The following FKBP3 variants were observed in gnomAD, a reference collection of about 807,000 sequenced individuals.
FKBP3 encodes the protein FKBP prolyl isomerase 3.
In FKBP3, 21 loss-of-function variants were observed where a neutral mutation model predicts 30.6. That is an observed-to-expected ratio of 0.69 (90% CI 0.49 to 0.99). The LOEUF (loss-of-function observed/expected upper bound fraction) is 0.99, where lower values mean the gene tolerates loss of function less well. FKBP3 is among the 50% of genes least tolerant of loss of function. FKBP3 has a pLI of 0.00. For missense variants in FKBP3, 283 were observed against 261.6 expected, an observed-to-expected ratio of 1.08 and a Z score of -0.56; for synonymous variants, 82 against 91.3, an observed-to-expected ratio of 0.90 and a Z score of 0.58.
chr14:45,124,877 G>C (rs970384792), intron 3 of FKBP3, among the ~76,000 whole-genome samples: 1 of 152,170 alleles, frequency 6.6e-6, no homozygotes, highest in Non-Finnish European at 1.5e-5. Context: ...CCAATTTAGA[G>C]TTTTAAATAA....
chr14:45,133,715 T>TA (rs1885281122), intron 1 of FKBP3, among the ~76,000 whole-genome samples: 1 of 152,180 alleles, frequency 6.6e-6, no homozygotes, highest in Admixed American at 6.5e-5. Flanking sequence ...GCCTACAGTA[T>TA]AAAGCATTTC....
rs952308745 is a variant in FKBP3 at position 45,116,111 on chromosome 14, T to C, written c.*87A>G. 13 of 916,648 alleles carry C rather than the reference T, an allele frequency of 1.4e-5. No homozygotes were observed. The highest frequency in any genetic ancestry group is 1.3e-4 in the African/African-American group (8 of 60,932). The allele number at this position is 916,648 out of a possible 1,614,324, so 56.8% of individuals were successfully genotyped here. A position where few individuals can be genotyped will look rare whatever the true frequency, so the allele number is the denominator to read the frequency against. ...CCAGTTGACTCTTCCTTTACAATAG[T>C]AACAAGTTCTAACTAGTTGTGTAAA... is the stretch of plus-strand genomic sequence containing the variant. On this transcript the variant is annotated 3_prime_UTR_variant, in exon 7 of 7. Coordinates refer to ENST00000396062, the MANE Select transcript of FKBP3 (RefSeq NM_002013.4).
At chr14:45,122,511 T>A (rs1885007448) in intron 3 of FKBP3, among the ~76,000 whole-genome samples, 1 of 152,182 alleles carries the variant, frequency 6.6e-6, no homozygotes, top group Admixed American at 6.5e-5. Context: ...CCTATTTCTT[T>A]TTTTTTCTGA....
intron 4 of FKBP3, 32 bp from the exon 5 acceptor site, chr14:45,120,986 T>C: frequency 6.7e-7 from 1 of 1,485,572 alleles, no homozygotes. Flanking sequence ...TCATTAATGA[T>C]ATACTCTAAT....
chr14:45,129,743 T>A lies in FKBP3; in HGVS notation c.318+51A>T, dbSNP rs373710471. 13 of 1,149,998 alleles carry A rather than the reference T, an allele frequency of 1.1e-5. No homozygotes were observed. In the South Asian group the frequency reaches 1.6e-4, roughly 14 times the overall value. The allele number at this position is 1,149,998 out of a possible 1,614,324, so 71.2% of individuals were successfully genotyped here. On this transcript the variant is annotated intron_variant, in intron 3 of 6. Transcript: ENST00000396062. ...TTAGTGCAAATAATAAAGAAATAAA[T>A]ACAATTTCTAGACTCCACATGATAA...
At position 45,133,146 on chromosome 14, in the gene FKBP3, C is replaced by T. The variant is rs372646563; in HGVS notation, c.108+1203G>A. Among the ~76,000 whole-genome samples the T allele has an allele frequency of 1.4e-4, 22 of 152,228 alleles. No individual in the cohort carries two copies. The East Asian group carries it at 3.7e-3, about 25-fold the overall frequency. On this transcript the variant is annotated intron_variant, in intron 1 of 6. Coordinates refer to ENST00000396062, the MANE Select transcript of FKBP3 (RefSeq NM_002013.4). Reference sequence around the variant, plus strand: ...GTTCTTCTATCTCCCTGTCATGACGCCCGCCCAAAATGAAAATAAAATATA... The same window carrying T: ...GTTCTTCTATCTCCCTGTCATGACGTCCGCCCAAAATGAAAATAAAATATA...
chr14:45,119,306 G>A (rs548105593), intron 5 of FKBP3, among the ~76,000 whole-genome samples: 1 of 152,202 alleles, frequency 6.6e-6, no homozygotes, highest in East Asian at 1.9e-4. Flanking sequence ...AAGGTGGCTC[G>A]TGCCTGTAAT....
chr14:45,120,357 A>G (rs986166484), intron 5 of FKBP3, among the ~76,000 whole-genome samples: 1 of 152,216 alleles, frequency 6.6e-6, no homozygotes, highest in Non-Finnish European at 1.5e-5. Context: ...ATATAAGTGT[A>G]GGTTAAAGCA....
At chr14:45,121,069 A>C in intron 4 of FKBP3, 115 bp from the exon 5 acceptor site, 1 of 839,262 alleles carries the variant, frequency 1.2e-6, no homozygotes, top group Non-Finnish European at 1.9e-6. Flanking sequence ...TTTCAGAATT[A>C]CAATACTATG....
chr14:45,126,137 T>C (rs1226902741), intron 3 of FKBP3, among the ~76,000 whole-genome samples: 2 of 151,270 alleles, frequency 1.3e-5, no homozygotes, highest in African/African-American at 2.4e-5. Context: ...GTGATCCACC[T>C]TCCTTGGCCT....
At chr14:45,123,331 G>A (rs1811610013) in intron 3 of FKBP3, among the ~76,000 whole-genome samples, 1 of 152,050 alleles carries the variant, frequency 6.6e-6, no homozygotes. Context: ...ACAAACACAA[G>A]TTTCAAATAG....
At chr14:45,134,217 C>G (rs998128109) in intron 1 of FKBP3, 132 bp downstream of exon 1, 1 of 755,976 alleles carries the variant, frequency 1.3e-6, no homozygotes, top group Non-Finnish European at 2.2e-6. Flanking sequence ...CTGGGCCTCT[C>G]CGGCCTTCCA....
intron 5 of FKBP3, among the ~76,000 whole-genome samples, chr14:45,120,154 T>C (rs1453975305): frequency 1.3e-5 from 2 of 152,212 alleles, no homozygotes; most frequent in Non-Finnish European, 2.9e-5. Flanking sequence ...TTTCAGTTAT[T>C]GATGTCTGAT....
intron 3 of FKBP3, among the ~76,000 whole-genome samples, chr14:45,127,739 AAGTAT>A (rs1206056086): frequency 6.6e-6 from 1 of 152,144 alleles, no homozygotes; most frequent in East Asian, 1.9e-4. Flanking sequence ...GTGGTTTGCA[AAGTAT>A]TGTTTTAGAA....
intron 1 of FKBP3, 64 bp downstream of exon 1, chr14:45,134,285 C>A: frequency 3.9e-6 from 5 of 1,269,938 alleles, no homozygotes; most frequent in Non-Finnish European, 5.7e-6. Context: ...AATGTATGGG[C>A]ATCTCCAGGG....
intron 2 of FKBP3, among the ~76,000 whole-genome samples, chr14:45,130,178 T>G (rs964299244): frequency 9.9e-5 from 15 of 152,206 alleles, no homozygotes; most frequent in African/African-American, 3.6e-4. Flanking sequence ...CCCAGAGATA[T>G]AAGCACTATT....
chr14:45,116,008 T>G lies in FKBP3; in HGVS notation c.*190A>C. 1.8e-6 allele frequency: 1 copy of G among 550,816 alleles called. No homozygotes were observed. 34.1% of individuals were successfully genotyped at this position (550,816 alleles called of 1,614,324 possible). A position where few individuals can be genotyped will look rare whatever the true frequency, so the allele number is the denominator to read the frequency against. On this transcript the variant is annotated 3_prime_UTR_variant, in exon 7 of 7. Coordinates refer to ENST00000396062, the MANE Select transcript of FKBP3 (RefSeq NM_002013.4). ...TTTACACAGCTGTAGGAAAGTATTT[T>G]AGACCAGGGATTCATAAGGGATTTA...
intron 3 of FKBP3, among the ~76,000 whole-genome samples, chr14:45,126,991 T>C (rs930484063): frequency 1.3e-5 from 2 of 151,956 alleles, no homozygotes; most frequent in Non-Finnish European, 2.9e-5. Flanking sequence ...AATTTTTGTA[T>C]TTTTAGTAGA....
chr14:45,128,869 C>T (rs906701505), intron 3 of FKBP3, among the ~76,000 whole-genome samples: 4 of 152,204 alleles, frequency 2.6e-5, no homozygotes, highest in Non-Finnish European at 5.9e-5. Flanking sequence ...TTGCCAGTTG[C>T]TTCTGAAACC....
Sources: allele counts gnomAD v4.1 joint callset (sites outside exome capture counted in the v4.1 genomes callset), GRCh38; gene constraint gnomAD v4.1.1; transcripts MANE v1.5; gene names NCBI Gene and HGNC (gene_info 2026-07-23, HGNC 2026-07-21).